MINDY3: variants seen among roughly 807,000 people sequenced by gnomAD.
MINDY3 encodes the protein MINDY lysine 48 deubiquitinase 3, also known as ubiquitin carboxyl-terminal hydrolase MINDY-3.
MINDY3 carries 38 observed loss-of-function variants against 69.2 expected under a neutral mutation model. The ratio of observed to expected loss-of-function variants is 0.55; its 90% confidence interval spans 0.42 to 0.72. The LOEUF (loss-of-function observed/expected upper bound fraction) is 0.72. Among genes scored for constraint, MINDY3 ranks in the 30% least tolerant of loss-of-function variants. The probability of loss-of-function intolerance (pLI) is 0.00; values close to 1 mark genes in which losing one functional copy is unlikely to be tolerated. For missense variants in MINDY3, 522 were observed against 519.0 expected (o/e 1.01, Z -0.06); for synonymous variants, 192 against 180.1 (o/e 1.07, Z -0.53).
At chr10:15,856,469 T>C (rs1296898251) in intron 1 of MINDY3, among the ~76,000 whole-genome samples, 1 of 151,050 alleles carries the variant, frequency 6.6e-6, no homozygotes, top group Non-Finnish European at 1.5e-5. Flanking sequence ...AATAAATCTC[T>C]CTCTGACTAG....
At chr10:15,843,444 T>A (rs1833621003) in intron 2 of MINDY3, among the ~76,000 whole-genome samples, 172 bp from the exon 3 acceptor site, 1 of 152,034 alleles carries the variant, frequency 6.6e-6, no homozygotes, top group South Asian at 2.1e-4. Context: ...GTGCAGTTAT[T>A]TATTCAGAGT....
At chr10:15,796,476 GAAAAAAA>G (rs746694573) in intron 10 of MINDY3, among the ~76,000 whole-genome samples, 1 of 138,274 alleles carries the variant, frequency 7.2e-6, no homozygotes, top group African/African-American at 2.6e-5. Context: ...AATGTAGCAT[GAAAAAAA>G]AAAACAAAAA....
intron 11 of MINDY3, among the ~76,000 whole-genome samples, chr10:15,791,714 TGG>T (rs1459993986): frequency 3.3e-5 from 5 of 152,058 alleles, no homozygotes; most frequent in African/African-American, 1.2e-4. Context: ...TTAGAGATTG[TGG>T]GGAGGAATAA....
intron 1 of MINDY3, among the ~76,000 whole-genome samples, chr10:15,852,430 C>G (rs1834370794): frequency 6.6e-6 from 1 of 152,094 alleles, no homozygotes; most frequent in African/African-American, 2.4e-5. Flanking sequence ...TTTCAATCAT[C>G]TTAAACATGT....
At chr10:15,789,981 G>A (rs920067013) in intron 11 of MINDY3, among the ~76,000 whole-genome samples, 1 of 152,104 alleles carries the variant, frequency 6.6e-6, no homozygotes, top group Non-Finnish European at 1.5e-5. Flanking sequence ...AATGAGAGTG[G>A]TTTTAAACAA....
chr10:15,856,448 C>T (rs1229083587), intron 1 of MINDY3, among the ~76,000 whole-genome samples: 2 of 150,476 alleles, frequency 1.3e-5, no homozygotes, highest in Non-Finnish European at 3.0e-5. Flanking sequence ...TGTACTGCTA[C>T]AAATAGCAAA....
chr10:15,825,257 C>A (rs955263526), intron 8 of MINDY3, among the ~76,000 whole-genome samples: 1 of 152,122 alleles, frequency 6.6e-6, no homozygotes, highest in African/African-American at 2.4e-5. Flanking sequence ...GCAAATATTT[C>A]CAAATCTGAA....
At chr10:15,784,905 A>C (rs1836839505) in intron 13 of MINDY3, among the ~76,000 whole-genome samples, 1 of 152,056 alleles carries the variant, frequency 6.6e-6, no homozygotes. Flanking sequence ...TATGACACCG[A>C]GGGCGTCTGA....
At chr10:15,803,162 G>C (rs1205772213) in intron 10 of MINDY3, among the ~76,000 whole-genome samples, 1 of 152,118 alleles carries the variant, frequency 6.6e-6, no homozygotes, top group Non-Finnish European at 1.5e-5. Context: ...GTTCAGAGAT[G>C]TAATCAGAAA....
intron 8 of MINDY3, among the ~76,000 whole-genome samples, chr10:15,832,564 A>C (rs896564080): frequency 6.6e-6 from 1 of 152,186 alleles, no homozygotes; most frequent in African/African-American, 2.4e-5. Context: ...TTTTTTGTTC[A>C]CGAATTTCAC....
chr10:15,839,827 A>C (rs191341298), intron 4 of MINDY3, among the ~76,000 whole-genome samples: 421 of 151,818 alleles, frequency 2.8e-3, no homozygotes, highest in Non-Finnish European at 4.4e-3. Flanking sequence ...GGTTTACTTC[A>C]TGGCAACTTT....
intron 2 of MINDY3, among the ~76,000 whole-genome samples, chr10:15,845,750 T>A (rs1833788107): frequency 6.6e-6 from 1 of 150,802 alleles, no homozygotes; most frequent in African/African-American, 2.4e-5. Flanking sequence ...TAGGCAATCC[T>A]CTTCCCTCAG....
At chr10:15,781,740 C>T (rs1037409490) in intron 14 of MINDY3, among the ~76,000 whole-genome samples, 3 of 152,092 alleles carry the variant, frequency 2.0e-5, no homozygotes, top group South Asian at 4.1e-4. Context: ...AATACAATTT[C>T]GGGTAAATGC....
intron 10 of MINDY3, among the ~76,000 whole-genome samples, chr10:15,816,609 AAAG>A (rs148850599): frequency 0.022 from 3,326 of 152,088 alleles, 60 homozygotes; most frequent in African/African-American, 0.053. Flanking sequence ...AGCTCTAAAG[AAAG>A]AAGAAGAAAT....
intron 3 of MINDY3, 61 bp from the exon 4 acceptor site, chr10:15,841,660 T>A: frequency 1.8e-6 from 2 of 1,099,808 alleles, no homozygotes; most frequent in Non-Finnish European, 2.6e-6. Context: ...AATTCTGTCA[T>A]GAATAACAAT....
chr10:15,805,343 T>C (rs1428160335), intron 10 of MINDY3, among the ~76,000 whole-genome samples: 2 of 152,174 alleles, frequency 1.3e-5, no homozygotes, highest in African/African-American at 2.4e-5. Flanking sequence ...TATAATTCAG[T>C]AGGTGTTTAG....
intron 12 of MINDY3, among the ~76,000 whole-genome samples, chr10:15,787,959 T>C (rs1837099888): frequency 6.6e-6 from 1 of 152,062 alleles, no homozygotes; most frequent in African/African-American, 2.4e-5. Context: ...TTCAACTACT[T>C]CAAGAAAAAC....
intron 8 of MINDY3, among the ~76,000 whole-genome samples, chr10:15,828,294 T>G (rs1840225549): frequency 6.6e-6 from 1 of 152,182 alleles, no homozygotes; most frequent in South Asian, 2.1e-4. Flanking sequence ...TTGAAAATAT[T>G]ATACTAAGTG....
intron 10 of MINDY3, among the ~76,000 whole-genome samples, chr10:15,806,953 G>C (rs1289530334): frequency 2.0e-5 from 3 of 152,118 alleles, no homozygotes; most frequent in African/African-American, 7.2e-5. Flanking sequence ...GTTTTCTTAA[G>C]GGAGGGAAGT....
Sources: gnomAD v4.1 joint callset for allele counts (sites outside exome capture counted in the v4.1 genomes callset) on GRCh38, gnomAD v4.1.1 for gene constraint, MANE v1.5 for transcripts, NCBI Gene and HGNC (gene_info 2026-07-23, HGNC 2026-07-21) for gene names.